The following SLC2A13 variants were observed in gnomAD, a reference collection of about 807,000 sequenced individuals.
The protein encoded by SLC2A13 is proton myo-inositol cotransporter.
Under a neutral mutation model 64.4 loss-of-function variants are expected in SLC2A13, and 32 were observed. That is an observed-to-expected ratio of 0.50 (90% CI 0.37 to 0.67). The LOEUF is 0.67. Ranked by LOEUF, SLC2A13 falls within the 30% of genes least tolerant of loss-of-function variation. The pLI is 0.00. For synonymous variants in SLC2A13, 338 were observed against 327.1 expected (o/e 1.03, Z -0.36); for missense variants, 743 against 829.2 (o/e 0.90, Z 1.28).
intron 1 of SLC2A13, among the ~76,000 whole-genome samples, chr12:40,060,100 G>C (rs1164008267): frequency 2.0e-5 from 3 of 151,616 alleles, no homozygotes; most frequent in Non-Finnish European, 4.4e-5. Context: ...TGGATGCATG[G>C]ATGGATGGAT....
At position 40,105,745 on chromosome 12, in the gene SLC2A13, C is replaced by A. The variant is rs1439905334; in HGVS notation, c.64G>T (p.Glu22Ter). 1 of 1,489,020 alleles carries A rather than the reference C, an allele frequency of 6.7e-7. No homozygotes were observed. The allele number at this position is 1,489,020 out of a possible 1,614,324, so 92.2% of individuals were successfully genotyped here. A position where few individuals can be genotyped will look rare whatever the true frequency, so the allele number is the denominator to read the frequency against. ...GGCTCCGGCTGCTTCCTGCGCCGCT[C>A]GCCCATCAGGCTGCTCAGGCTCCGC... ...TLRSLSSLMG[E>*]RRRKQPEPDA... The change falls in exon 1 of 10, where the codon GAG becomes TAG. Residue 22 changes from glutamate (E) to a stop codon, truncating the protein, a stop_gained. Coordinates refer to ENST00000280871, the MANE Select transcript of SLC2A13 (RefSeq NM_052885.4). LOFTEE classifies it high-confidence loss of function. The surrounding 1 kb of genome is among the most constrained non-coding windows in gnomAD (Gnocchi z 4.2).
At chr12:39,779,568 A>G (rs1940904447) in intron 7 of SLC2A13, among the ~76,000 whole-genome samples, 1 of 152,248 alleles carries the variant, frequency 6.6e-6, no homozygotes, top group Admixed American at 6.5e-5. Flanking sequence ...GTTAATTAAA[A>G]AAATTAAAAC....
At chr12:40,058,650 A>G (rs1948371167) in intron 1 of SLC2A13, among the ~76,000 whole-genome samples, 1 of 152,182 alleles carries the variant, frequency 6.6e-6, no homozygotes. Context: ...AGCTATATAC[A>G]TGTAACTCCA....
intron 6 of SLC2A13, among the ~76,000 whole-genome samples, chr12:39,847,576 A>G (rs972365929): frequency 4.6e-5 from 7 of 152,058 alleles, no homozygotes; most frequent in Non-Finnish European, 1.0e-4. Context: ...ACCCTGGCCC[A>G]TGTGGTGAAC....
At chr12:39,891,120 C>CT (rs71075093) in intron 4 of SLC2A13, among the ~76,000 whole-genome samples, 3,488 of 145,770 alleles carry the variant, frequency 0.024, 133 homozygotes, top group African/African-American at 0.082. Context: ...TCAAATATAC[C>CT]TTTTTTTTTT....
chr12:40,013,335 A>C (rs1947565145), intron 3 of SLC2A13, among the ~76,000 whole-genome samples: 1 of 152,228 alleles, frequency 6.6e-6, no homozygotes, highest in African/African-American at 2.4e-5. Context: ...TTGAATGAAT[A>C]CTTTTACAGA....
chr12:39,836,421 A>G (rs1223797403), intron 6 of SLC2A13, among the ~76,000 whole-genome samples: 1 of 152,186 alleles, frequency 6.6e-6, no homozygotes, highest in Non-Finnish European at 1.5e-5. Context: ...AAGGGAGAAA[A>G]TCGGCATAAG....
chr12:39,768,652 AT>A (rs1940449518), intron 7 of SLC2A13, among the ~76,000 whole-genome samples: 1 of 152,098 alleles, frequency 6.6e-6, no homozygotes, highest in Admixed American at 6.6e-5. Flanking sequence ...CACACACAAC[AT>A]TTATAATTAA....
At chr12:39,913,790 A>G in intron 4 of SLC2A13, among the ~76,000 whole-genome samples, 1 of 151,990 alleles carries the variant, frequency 6.6e-6, no homozygotes, top group East Asian at 1.9e-4. Context: ...ATTGTAATAC[A>G]TCTTTTAGAA....
intron 7 of SLC2A13, among the ~76,000 whole-genome samples, chr12:39,790,122 GTGTTC>G (rs1272319057): frequency 2.6e-5 from 1 of 37,978 alleles, no homozygotes; most frequent in Admixed American, 4.7e-4. Context: ...GCATTCTTTT[GTGTTC>G]TTTTTTTTTT....
chr12:39,877,422 C>T (rs1424952589), intron 4 of SLC2A13, among the ~76,000 whole-genome samples: 1 of 152,180 alleles, frequency 6.6e-6, no homozygotes, highest in African/African-American at 2.4e-5. Context: ...CAATTACCTC[C>T]CATTGAGTCC....
At chr12:39,780,249 C>T (rs1940934178) in intron 7 of SLC2A13, among the ~76,000 whole-genome samples, 2 of 152,186 alleles carry the variant, frequency 1.3e-5, no homozygotes, top group Non-Finnish European at 2.9e-5. Context: ...TACACAGTGA[C>T]AGCAGTGTTT....
chr12:39,765,340 T>G (rs1232762533), intron 7 of SLC2A13, among the ~76,000 whole-genome samples: 1 of 152,030 alleles, frequency 6.6e-6, no homozygotes, highest in East Asian at 1.9e-4. Flanking sequence ...TCTATCTGAT[T>G]CCAAATAGCC....
intron 9 of SLC2A13, among the ~76,000 whole-genome samples, chr12:39,763,626 T>C (rs944236383): frequency 2.6e-5 from 4 of 151,958 alleles, no homozygotes; most frequent in African/African-American, 9.7e-5. Context: ...GTAAAGAGAT[T>C]GCGGGGAGAT....
In SLC2A13 at chr12:39,828,748, A is replaced by C. The variant is rs1942762863; in HGVS notation, c.1445+1355T>G. On this transcript the variant is annotated intron_variant, in intron 7 of 9. Coordinates refer to ENST00000280871, the MANE Select transcript of SLC2A13 (RefSeq NM_052885.4). ...TTCCTATTGGCAAAAACAAAACTCT[A>C]AAGGTTTAAAGCTGTGAACAAGTAC... Among the ~76,000 whole-genome samples the C allele has an allele frequency of 2.6e-5, 4 of 152,140 alleles. No individual in the cohort carries two copies. In the South Asian group the frequency reaches 6.2e-4, roughly 24 times the overall value.
At chr12:39,972,711 C>T (rs1946686417) in intron 3 of SLC2A13, among the ~76,000 whole-genome samples, 1 of 151,986 alleles carries the variant, frequency 6.6e-6, no homozygotes, top group South Asian at 2.1e-4. Context: ...TTTAAAAAAC[C>T]CATATCATTC....
intron 4 of SLC2A13, among the ~76,000 whole-genome samples, chr12:39,939,818 G>C: frequency 6.6e-6 from 1 of 152,158 alleles, no homozygotes; most frequent in South Asian, 2.1e-4. Flanking sequence ...AAGGCTTAAA[G>C]TATTACTATT....
intron 2 of SLC2A13, among the ~76,000 whole-genome samples, chr12:40,039,543 T>G (rs990501368): frequency 6.6e-6 from 1 of 152,176 alleles, no homozygotes; most frequent in African/African-American, 2.4e-5. Context: ...CATAATGGCT[T>G]CTTATGTGTT....
intron 7 of SLC2A13, among the ~76,000 whole-genome samples, chr12:39,789,785 T>G (rs565263048): frequency 6.6e-6 from 1 of 152,296 alleles, no homozygotes; most frequent in South Asian, 2.1e-4. Flanking sequence ...TTTTATTGAT[T>G]AATTAAGAGC....
Sources: gnomAD v4.1 joint callset for allele counts (sites outside exome capture counted in the v4.1 genomes callset) on GRCh38, gnomAD v4.1.1 for gene constraint, Gnocchi (gnomAD v3.1) non-coding constraint, MANE v1.5 for transcripts, NCBI Gene and HGNC (gene_info 2026-07-23, HGNC 2026-07-21) for gene names.